The following HS3ST5 variants were observed in gnomAD, a reference collection of about 807,000 sequenced individuals.
HS3ST5 encodes the protein heparan sulfate-glucosamine 3-sulfotransferase 5.
A neutral mutation model predicts 25.4 loss-of-function variants in HS3ST5; 10 were observed. That is an observed-to-expected ratio of 0.39 (90% CI 0.24 to 0.67). The LOEUF (loss-of-function observed/expected upper bound fraction) is 0.67. HS3ST5 is among the 30% of genes least tolerant of loss of function. The probability of loss-of-function intolerance (pLI) is 0.44; values close to 1 mark genes in which losing one functional copy is unlikely to be tolerated. For synonymous variants in HS3ST5, 170 were observed against 162.4 expected, an observed-to-expected ratio of 1.05 and a Z score of -0.36; for missense variants, 324 against 420.7, an observed-to-expected ratio of 0.77 and a Z score of 2.01.
chr6:114,135,996 T>C (rs1777582860), intron 3 of HS3ST5, among the ~76,000 whole-genome samples: 1 of 152,234 alleles, frequency 6.6e-6, no homozygotes, highest in South Asian at 2.1e-4. Context: ...ATCCTTGTGT[T>C]CTGCTTTATG....
intron 1 of HS3ST5, among the ~76,000 whole-genome samples, chr6:114,332,851 T>TATAG (rs1226588417): frequency 1.3e-5 from 2 of 151,994 alleles, no homozygotes; most frequent in Admixed American, 1.3e-4. Context: ...GGGATCAGCA[T>TATAG]ATAGAAAGGA....
intron 3 of HS3ST5, among the ~76,000 whole-genome samples, chr6:114,161,980 T>C (rs761224436): frequency 6.6e-6 from 1 of 152,106 alleles, no homozygotes; most frequent in Non-Finnish European, 1.5e-5. Context: ...AAAATTAATT[T>C]AGAAATCTAA....
In HS3ST5 at chr6:114,181,881, A is replaced by T. The variant is rs9384893; in HGVS notation, c.-144-13419T>A. Among the ~76,000 whole-genome samples the T allele has an allele frequency of 2.4e-5, 3 of 123,676 alleles. No homozygotes were observed. In the Admixed American group the frequency reaches 2.7e-4, roughly 11 times the overall value. 81.1% of individuals were successfully genotyped at this position (123,676 alleles called of 152,430 possible). A position where few individuals can be genotyped will look rare whatever the true frequency, so the allele number is the denominator to read the frequency against. Reference sequence around the variant, plus strand: ...GAACTTAGGGAAGTGTGTGTATGTGAGTATGTGTGTGTGTGTGTGTGTGTA... The same window carrying T: ...GAACTTAGGGAAGTGTGTGTATGTGTGTATGTGTGTGTGTGTGTGTGTGTA... On this transcript the variant is annotated intron_variant, in intron 2 of 4. Coordinates refer to ENST00000312719, the MANE Select transcript of HS3ST5 (RefSeq NM_153612.4).
chr6:114,213,271 C>T (rs1449823318), intron 2 of HS3ST5, among the ~76,000 whole-genome samples: 2 of 143,594 alleles, frequency 1.4e-5, no homozygotes, highest in Non-Finnish European at 3.0e-5. Flanking sequence ...CCTCTCCTCT[C>T]CTCTTCTCTC....
chr6:114,233,239 A>C (rs895792569), intron 1 of HS3ST5, among the ~76,000 whole-genome samples: 3 of 152,194 alleles, frequency 2.0e-5, no homozygotes, highest in Non-Finnish European at 4.4e-5. Context: ...ACTTATAAGT[A>C]TATTGAAGAT....
chr6:114,254,685 T>C (rs1582762346), intron 1 of HS3ST5, among the ~76,000 whole-genome samples: 1 of 151,902 alleles, frequency 6.6e-6, no homozygotes, highest in South Asian at 2.1e-4. Flanking sequence ...CGGTGGAAGG[T>C]AAAGGCATGT....
chr6:114,175,239 G>A (rs2115012209), intron 2 of HS3ST5, among the ~76,000 whole-genome samples: 1 of 152,262 alleles, frequency 6.6e-6, no homozygotes, highest in African/African-American at 2.4e-5. Context: ...GACTGGAAAA[G>A]AAAATTTGAA....
In HS3ST5 at chr6:114,058,082, C is replaced by T. The variant is rs1233248196; in HGVS notation, c.216G>A (p.Arg72=). The T allele has an allele frequency of 6.2e-7, 1 of 1,614,186 alleles. No homozygotes were observed. Reference sequence around the variant, plus strand: ...CCTGCTCCTTGGAAGCGTTGCCCTTCCGGAACTCGTGCAGCAGGCCACGCT... The same window carrying T: ...CCTGCTCCTTGGAAGCGTTGCCCTTTCGGAACTCGTGCAGCAGGCCACGCT... ...QFKRGLLHEF[R]KGNASKEQVR... Residue 72 remains arginine (R), a synonymous_variant, in exon 5 of 5, where the codon CGG becomes CGA. Transcript: ENST00000312719.
intron 3 of HS3ST5, among the ~76,000 whole-genome samples, chr6:114,067,385 A>C (rs1773515691): frequency 6.6e-6 from 1 of 152,236 alleles, no homozygotes; most frequent in South Asian, 2.1e-4. Context: ...AGGAAAAAGA[A>C]GAAAAACATG....
chr6:114,084,177 T>G, intron 3 of HS3ST5: 1 of 924,214 alleles, frequency 1.1e-6, no homozygotes, highest in Non-Finnish European at 1.8e-6. Flanking sequence ...CTTAAGACCA[T>G]TAAGTGGTTG....
intron 2 of HS3ST5, among the ~76,000 whole-genome samples, chr6:114,187,846 C>T (rs1272719482): frequency 6.6e-6 from 1 of 152,148 alleles, no homozygotes; most frequent in Non-Finnish European, 1.5e-5. Context: ...AGCCACCCAA[C>T]CTTCAGCGAC....
intron 3 of HS3ST5, among the ~76,000 whole-genome samples, chr6:114,098,020 T>C (rs963347499): frequency 1.3e-5 from 2 of 151,992 alleles, no homozygotes; most frequent in Non-Finnish European, 2.9e-5. Context: ...TCTCTACTTC[T>C]TTCACTAGTA....
At chr6:114,244,965 T>C (rs1051399047) in intron 1 of HS3ST5, among the ~76,000 whole-genome samples, 1 of 152,224 alleles carries the variant, frequency 6.6e-6, no homozygotes, top group African/African-American at 2.4e-5. Context: ...ACATATTACC[T>C]TCAGTAGTAA....
rs1395059870 is a variant in HS3ST5, at chr6:114,057,171, T to C, written c.*86A>G. 4.1e-5 allele frequency: 38 copies of C among 934,436 alleles called. No individual in the cohort carries two copies. 57.9% of individuals were successfully genotyped at this position (934,436 alleles called of 1,614,324 possible). A position where few individuals can be genotyped will look rare whatever the true frequency, so the allele number is the denominator to read the frequency against. ...TACATGGAAAAATGACTTGGATAGC[T>C]CTGCCTAGGAAAAGTGCATATTTTA... is the stretch of plus-strand genomic sequence containing the variant. On this transcript the variant is annotated 3_prime_UTR_variant, in exon 5 of 5. Coordinates refer to ENST00000312719, the MANE Select transcript of HS3ST5 (RefSeq NM_153612.4).
intron 3 of HS3ST5, among the ~76,000 whole-genome samples, chr6:114,129,445 CAG>C (rs1398362099): frequency 6.6e-6 from 1 of 151,922 alleles, no homozygotes; most frequent in Non-Finnish European, 1.5e-5. Context: ...TTAGTAGAGA[CAG>C]GGTTTCATCG....
chr6:114,162,182 G>A (rs1779006051), intron 3 of HS3ST5, among the ~76,000 whole-genome samples: 1 of 152,132 alleles, frequency 6.6e-6, no homozygotes, highest in African/African-American at 2.4e-5. Context: ...TTTGCTAAAA[G>A]AAGTGCTACG....
intron 3 of HS3ST5, among the ~76,000 whole-genome samples, chr6:114,144,446 T>C (rs1350151788): frequency 6.6e-6 from 1 of 152,210 alleles, no homozygotes; most frequent in Non-Finnish European, 1.5e-5. Flanking sequence ...CTCTTTCAGC[T>C]TTGGGACGGT....
intron 3 of HS3ST5, among the ~76,000 whole-genome samples, chr6:114,068,895 G>A (rs1429545675): frequency 1.3e-5 from 2 of 152,142 alleles, no homozygotes; most frequent in South Asian, 2.1e-4. Flanking sequence ...TAACAGACAC[G>A]GTATCTTGGC....
At position 114,145,764 on chromosome 6, in the gene HS3ST5, A is replaced by G. The variant is rs1165955820; in HGVS notation, c.-33+22587T>C. On this transcript the variant is annotated intron_variant, in intron 3 of 4. Coordinates refer to ENST00000312719, the MANE Select transcript of HS3ST5 (RefSeq NM_153612.4). ...CTCGTGTGGGGGTGCTGTGGGAAGC[A>G]GGGGCCTTCCTCACTCATCAGGAAC... Among the ~76,000 whole-genome samples the G allele has an allele frequency of 2.0e-5, 3 of 152,176 alleles. No individual in the cohort carries two copies. The East Asian group carries it at 5.8e-4, about 29-fold the overall frequency.
Sources: gnomAD v4.1 joint callset for allele counts (sites outside exome capture counted in the v4.1 genomes callset) on GRCh38, gnomAD v4.1.1 for gene constraint, MANE v1.5 for transcripts, NCBI Gene and HGNC (gene_info 2026-07-23, HGNC 2026-07-21) for gene names.